SEL1L: variants seen among roughly 807,000 people sequenced by gnomAD.
SEL1L encodes protein sel-1 homolog 1.
SEL1L carries 52 observed loss-of-function variants against 109.8 expected under a neutral mutation model. That is an observed-to-expected ratio of 0.47 (90% CI 0.38 to 0.60). The LOEUF (loss-of-function observed/expected upper bound fraction) is 0.60, where lower values mean the gene tolerates loss of function less well. Among genes scored for constraint, SEL1L ranks in the 20% least tolerant of loss-of-function variants. The pLI is 0.00. For missense variants in SEL1L, 749 were observed against 962.2 expected (o/e 0.78, Z 2.93); for synonymous variants, 373 against 339.6 (o/e 1.10, Z -1.08).
chr14:81,484,529 C>T, intron 18 of SEL1L, 132 bp from the exon 19 acceptor site: 3 of 802,322 alleles, frequency 3.7e-6, no homozygotes, highest in South Asian at 2.2e-5. Context: ...AACTTTGTAA[C>T]AAATCCTTTC....
chr14:81,490,254 G>A (rs1481373051), intron 13 of SEL1L, 134 bp downstream of exon 13: 2 of 635,430 alleles, frequency 3.1e-6, no homozygotes, highest in Non-Finnish European at 2.6e-6. Flanking sequence ...ACATTCACAT[G>A]AATCATACTT....
At position 81,499,019 on chromosome 14, in the gene SEL1L, C is replaced by T. The variant is rs191663309; in HGVS notation, c.891+440G>A. The T allele has an allele frequency of 4.0e-5, 27 of 671,708 alleles. No homozygotes were observed. In the Admixed American group the frequency reaches 1.6e-3, roughly 40 times the overall value. The allele number at this position is 671,708 out of a possible 1,614,324, so 41.6% of individuals were successfully genotyped here. On this transcript the variant is annotated intron_variant, in intron 8 of 20. Transcript: ENST00000336735. ...CTCTGGAGTCATTCTGCACAAATAA[C>T]TCCATGAATTTTAACAATTCTTAGG...
At chr14:81,518,911 T>TA (rs1000412537) in intron 3 of SEL1L, among the ~76,000 whole-genome samples, 9 of 152,148 alleles carry the variant, frequency 5.9e-5, no homozygotes, top group Non-Finnish European at 7.4e-5. Flanking sequence ...AGAGAAGAGT[T>TA]AAAAAAACAG....
At chr14:81,515,215 C>A (rs1026954453) in intron 3 of SEL1L, among the ~76,000 whole-genome samples, 1 of 152,184 alleles carries the variant, frequency 6.6e-6, no homozygotes, top group Non-Finnish European at 1.5e-5. Flanking sequence ...TTTGGCCCAA[C>A]CTGGGTACAT....
At chr14:81,477,797 A>T (rs1396809006) in intron 20 of SEL1L, among the ~76,000 whole-genome samples, 1 of 152,158 alleles carries the variant, frequency 6.6e-6, no homozygotes, top group Non-Finnish European at 1.5e-5. Context: ...TGGGCGACAG[A>T]GCAAGACTCT....
intron 3 of SEL1L, among the ~76,000 whole-genome samples, chr14:81,526,433 TTA>T (rs1885116425): frequency 6.6e-6 from 1 of 152,228 alleles, no homozygotes; most frequent in African/African-American, 2.4e-5. Context: ...TATTATTTTT[TTA>T]AATTTCTCAG....
rs780933552 is a variant in SEL1L, at chr14:81,533,740, C to A, written c.5G>T (p.Arg2Leu). The A allele has an allele frequency of 1.2e-6, 2 of 1,613,242 alleles. No homozygotes were observed. The highest frequency in any genetic ancestry group is 3.3e-5 in the Admixed American group (2 of 59,952). The change falls in exon 1 of 21, where the codon CGG (arginine) becomes CTG (leucine). Residue 2 changes from arginine to leucine, a missense_variant. Around this residue, in one of 2 missense-constraint regions of SEL1L, gnomAD observed 366 missense variants for 399.8 expected, o/e 0.92. Transcript: ENST00000336735. ...CAGCAGCGTCAGCCCTATCCGGACCCGCATCCTCCTCTCGGGGCCGGTGCC... is the reference window on the plus strand; with the variant it reads ...CAGCAGCGTCAGCCCTATCCGGACCAGCATCCTCCTCTCGGGGCCGGTGCC... MRVRIGLTLLLC... is the reference protein window; with the variant it reads MLVRIGLTLLLC...
intron 8 of SEL1L, chr14:81,498,972 G>C: frequency 2.6e-6 from 1 of 380,938 alleles, no homozygotes; most frequent in Non-Finnish European, 3.6e-6. Flanking sequence ...ATCATGAAAA[G>C]TAAAAAACAG....
intron 4 of SEL1L, among the ~76,000 whole-genome samples, chr14:81,504,678 G>A (rs1884164198): frequency 6.6e-6 from 1 of 151,954 alleles, no homozygotes; most frequent in Admixed American, 6.6e-5. Context: ...ACACTGAATT[G>A]TAATCCCTGG....
At chr14:81,503,557 A>G (rs1884107136) in intron 5 of SEL1L, among the ~76,000 whole-genome samples, 1 of 152,042 alleles carries the variant, frequency 6.6e-6, no homozygotes, top group Non-Finnish European at 1.5e-5. Flanking sequence ...CAGATTGGCT[A>G]GCTATTTTGT....
At chr14:81,511,237 C>T (rs1415098667) in intron 3 of SEL1L, among the ~76,000 whole-genome samples, 3 of 152,170 alleles carry the variant, frequency 2.0e-5, no homozygotes, top group African/African-American at 7.2e-5. Context: ...GCAGAATGAA[C>T]AAAACGTTAA....
intron 10 of SEL1L, among the ~76,000 whole-genome samples, chr14:81,495,958 CAAAACAA>C (rs1883730670): frequency 6.6e-6 from 1 of 151,532 alleles, no homozygotes; most frequent in Non-Finnish European, 1.5e-5. Flanking sequence ...AATGAATAAA[CAAAACAA>C]AAAACAAAAA....
intron 6 of SEL1L, among the ~76,000 whole-genome samples, chr14:81,501,227 G>C (rs865824136): frequency 6.6e-6 from 1 of 152,146 alleles, no homozygotes; most frequent in Non-Finnish European, 1.5e-5. Flanking sequence ...ATCAAATCTA[G>C]CATGAGCAAG....
At chr14:81,519,031 C>A (rs774522181) in intron 3 of SEL1L, among the ~76,000 whole-genome samples, 2 of 152,204 alleles carry the variant, frequency 1.3e-5, no homozygotes, top group Non-Finnish European at 2.9e-5. Flanking sequence ...AAGAGTGGCT[C>A]ACCCAAACTG....
chr14:81,512,812 G>A (rs1289222647), intron 3 of SEL1L, among the ~76,000 whole-genome samples: 1 of 152,172 alleles, frequency 6.6e-6, no homozygotes, highest in African/African-American at 2.4e-5. Context: ...TCCTTATGAT[G>A]GCGTTTTAAT....
At chr14:81,524,270 T>C (rs1885028929) in intron 3 of SEL1L, among the ~76,000 whole-genome samples, 1 of 152,118 alleles carries the variant, frequency 6.6e-6, no homozygotes, top group Admixed American at 6.6e-5. Flanking sequence ...GAGATCAGGG[T>C]GATACCACCT....
intron 3 of SEL1L, among the ~76,000 whole-genome samples, chr14:81,511,585 AC>A (rs1475827609): frequency 6.6e-6 from 1 of 152,194 alleles, no homozygotes; most frequent in Non-Finnish European, 1.5e-5. Context: ...AGAAACAATA[AC>A]AAAAAAAGCC....
chr14:81,527,438 TACACACACACACAC>T (rs67777470), intron 2 of SEL1L, among the ~76,000 whole-genome samples: 16 of 146,760 alleles, frequency 1.1e-4, no homozygotes, highest in African/African-American at 3.5e-4. Flanking sequence ...TCTTCAAACT[TACACACACACACAC>T]ACACACACAC....
At chr14:81,514,870 A>G (rs1884636723) in intron 3 of SEL1L, among the ~76,000 whole-genome samples, 1 of 152,180 alleles carries the variant, frequency 6.6e-6, no homozygotes, top group African/African-American at 2.4e-5. Flanking sequence ...TGATGGGGAA[A>G]AATGGTCACC....
Sources: allele counts gnomAD v4.1 joint callset (sites outside exome capture counted in the v4.1 genomes callset), GRCh38; gene constraint gnomAD v4.1.1; regional missense constraint gnomAD v4.1.1; transcripts MANE v1.5; gene names NCBI Gene and HGNC (gene_info 2026-07-23, HGNC 2026-07-21).